Variants in GRM8 observed in about 807,000 individuals in gnomAD.
GRM8 encodes glutamate metabotropic receptor 8.
GRM8 carries 47 observed loss-of-function variants against 87.2 expected under a neutral mutation model. That is an observed-to-expected ratio of 0.54 (90% CI 0.43 to 0.69). The LOEUF is 0.69. Among genes scored for constraint, GRM8 ranks in the 30% least tolerant of loss-of-function variants. The pLI, the probability that GRM8 is intolerant of heterozygous loss-of-function variation, is 0.00. For synonymous variants in GRM8, 396 were observed against 404.5 expected (o/e 0.98, Z 0.25); for missense variants, 1,019 against 1,139.2 (o/e 0.89, Z 1.52).
At chr7:126,632,669 T>C (rs1405986452) in intron 7 of GRM8, among the ~76,000 whole-genome samples, 1 of 152,104 alleles carries the variant, frequency 6.6e-6, no homozygotes, top group African/African-American at 2.4e-5. Flanking sequence ...AAAGAAAATG[T>C]GGTACATATA....
rs148363021 is a variant in GRM8, at chr7:126,754,242, T to C, written c.1357+15623A>G. 7.1e-3 allele frequency among the ~76,000 whole-genome samples: 1,083 copies of C among 151,984 alleles called. 30 individuals carry two copies. The highest frequency in any genetic ancestry group is 4.7e-3 in the Non-Finnish European group (320 of 67,816). On this transcript the variant is annotated intron_variant, in intron 7 of 10. Transcript: ENST00000339582. ...ATTAAACACCTTTCCCATGGGGCCA[T>C]TCAGAATGCAGTATTTAAAAACCTG...
In GRM8 at chr7:127,242,326, A is replaced by C. The variant is rs185209379; in HGVS notation, c.510+369T>G. Among the ~76,000 whole-genome samples the C allele has an allele frequency of 9.5e-4, 144 of 152,334 alleles. 2 individuals are homozygous for C. The highest frequency in any genetic ancestry group is 1.5e-3 in the East Asian group (8 of 5,194). Reference sequence around the variant, plus strand: ...AAATTAAATAGCTCAAATACCATAGAAATGTTTTCCATGATAAATGCGCTG... The same window carrying C: ...AAATTAAATAGCTCAAATACCATAGCAATGTTTTCCATGATAAATGCGCTG... On this transcript the variant is annotated intron_variant, in intron 2 of 10. Transcript: ENST00000339582.
At chr7:126,537,223 G>T (rs975853781) in intron 8 of GRM8, among the ~76,000 whole-genome samples, 1 of 152,060 alleles carries the variant, frequency 6.6e-6, no homozygotes, top group Non-Finnish European at 1.5e-5. Flanking sequence ...TATTATAAAG[G>T]AGACTGTAAT....
chr7:127,087,056 T>C (rs1212520488), intron 3 of GRM8, among the ~76,000 whole-genome samples: 1 of 152,214 alleles, frequency 6.6e-6, no homozygotes, highest in Non-Finnish European at 1.5e-5. Context: ...ACAGGTACTA[T>C]GACACCTGAC....
At chr7:126,740,682 A>T (rs1259253220) in intron 7 of GRM8, among the ~76,000 whole-genome samples, 2 of 152,068 alleles carry the variant, frequency 1.3e-5, no homozygotes, top group Non-Finnish European at 2.9e-5. Flanking sequence ...TCTGACATGA[A>T]CTCAGCAATT....
At chr7:126,698,346 TACC>T (rs1419901355) in intron 7 of GRM8, among the ~76,000 whole-genome samples, 3 of 152,166 alleles carry the variant, frequency 2.0e-5, no homozygotes, top group Admixed American at 1.3e-4. Context: ...TTCTATTTTC[TACC>T]ATTTACAGAA....
At chr7:127,062,879 T>G in intron 3 of GRM8, among the ~76,000 whole-genome samples, 1 of 152,170 alleles carries the variant, frequency 6.6e-6, no homozygotes, top group Non-Finnish European at 1.5e-5. Flanking sequence ...CATTTCCAAT[T>G]ATGCTTATTT....
intron 9 of GRM8, among the ~76,000 whole-genome samples, chr7:126,526,944 C>T (rs1387788869): frequency 6.6e-6 from 1 of 152,142 alleles, no homozygotes; most frequent in African/African-American, 2.4e-5. Context: ...CAGATTGCAA[C>T]AGTCTGGTAT....
chr7:126,892,647 T>C (rs566371775), intron 6 of GRM8, among the ~76,000 whole-genome samples: 1 of 152,274 alleles, frequency 6.6e-6, no homozygotes, highest in Non-Finnish European at 1.5e-5. Flanking sequence ...TTTGGGTATA[T>C]ACCCAGTAAT....
intron 9 of GRM8, among the ~76,000 whole-genome samples, chr7:126,499,711 T>C (rs1012897734): frequency 1.3e-5 from 2 of 151,890 alleles, no homozygotes; most frequent in African/African-American, 4.8e-5. Flanking sequence ...ATCTCACTTA[T>C]GCGTGGAATT....
At chr7:126,941,385 A>G (rs1044881442) in intron 3 of GRM8, among the ~76,000 whole-genome samples, 1 of 151,134 alleles carries the variant, frequency 6.6e-6, no homozygotes, top group Non-Finnish European at 1.5e-5. Flanking sequence ...AAGCGGGTGG[A>G]TCATGAGGTC....
chr7:127,083,398 G>A (rs1823083550), intron 3 of GRM8, among the ~76,000 whole-genome samples: 1 of 151,886 alleles, frequency 6.6e-6, no homozygotes. Context: ...GCTTTATTTA[G>A]GACCTTGTTA....
intron 3 of GRM8, among the ~76,000 whole-genome samples, chr7:126,905,193 T>C (rs1360659149): frequency 6.6e-6 from 1 of 152,240 alleles, no homozygotes; most frequent in African/African-American, 2.4e-5. Flanking sequence ...CAATGTCTTA[T>C]GAGACAAGTG....
At chr7:126,877,764 G>A (rs1204530) in intron 6 of GRM8, among the ~76,000 whole-genome samples, 96,972 of 151,960 alleles carry the variant, frequency 0.64, 31,190 homozygotes, top group African/African-American at 0.68. Flanking sequence ...TTATACTACT[G>A]CTCTTCCCCA....
chr7:127,249,662 AG>A (rs1236380333), intron 1 of GRM8, among the ~76,000 whole-genome samples: 1 of 152,204 alleles, frequency 6.6e-6, no homozygotes, highest in Admixed American at 6.5e-5. Context: ...CAAAGAAAAA[AG>A]AGAGAAAGCC....
intron 6 of GRM8, among the ~76,000 whole-genome samples, chr7:126,845,222 G>A (rs1002366): frequency 0.21 from 32,590 of 152,166 alleles, 3,948 homozygotes; most frequent in East Asian, 0.5. Flanking sequence ...TGGTGACTAT[G>A]ACTATTTTAT....
At chr7:126,751,037 T>C (rs1397820285) in intron 7 of GRM8, among the ~76,000 whole-genome samples, 2 of 125,180 alleles carry the variant, frequency 1.6e-5, no homozygotes, top group Non-Finnish European at 3.9e-5. Flanking sequence ...AAATTATCCC[T>C]ACTTTATATT....
chr7:127,129,717 C>T (rs182871377), intron 2 of GRM8, among the ~76,000 whole-genome samples: 5 of 152,242 alleles, frequency 3.3e-5, no homozygotes, highest in Non-Finnish European at 7.4e-5. Context: ...TAGTTATTTT[C>T]CCTTCAGCCA....
chr7:127,036,003 C>A (rs999194037), intron 3 of GRM8, among the ~76,000 whole-genome samples: 1 of 152,134 alleles, frequency 6.6e-6, no homozygotes, highest in African/African-American at 2.4e-5. Context: ...TACTGGCTTG[C>A]TCTATATTTA....
Sources: allele counts gnomAD v4.1 joint callset (sites outside exome capture counted in the v4.1 genomes callset), GRCh38; gene constraint gnomAD v4.1.1; transcripts MANE v1.5; gene names NCBI Gene and HGNC (gene_info 2026-07-23, HGNC 2026-07-21).